The following SBF2 variants were observed in gnomAD, a reference collection of about 807,000 sequenced individuals.
The protein encoded by SBF2 is SET binding factor 2.
SBF2 carries 112 observed loss-of-function variants against 225.2 expected under a neutral mutation model. The ratio of observed to expected loss-of-function variants is 0.50; its 90% CI spans 0.43 to 0.58. The LOEUF (loss-of-function observed/expected upper bound fraction) is 0.58, where lower values mean the gene tolerates loss of function less well. SBF2 is among the 20% of genes least tolerant of loss of function. SBF2 has a pLI of 0.00. For missense variants in SBF2, 1,996 were observed against 2,206.2 expected (o/e 0.90, Z 1.91); for synonymous variants, 763 against 773.3 (o/e 0.99, Z 0.22).
intron 16 of SBF2, among the ~76,000 whole-genome samples, chr11:9,920,607 A>T (rs899254384): frequency 2.6e-5 from 4 of 152,210 alleles, no homozygotes; most frequent in African/African-American, 9.7e-5. Context: ...ACATGTGAGA[A>T]GAGACATTAA....
intron 16 of SBF2, among the ~76,000 whole-genome samples, chr11:9,918,316 G>C (rs1268231419): frequency 6.6e-6 from 1 of 151,736 alleles, no homozygotes; most frequent in Non-Finnish European, 1.5e-5. Flanking sequence ...CCTATTTTTA[G>C]CTTTCCCATG....
chr11:9,809,900 T>C (rs1225349418), intron 30 of SBF2, among the ~76,000 whole-genome samples: 4 of 152,158 alleles, frequency 2.6e-5, no homozygotes, highest in Non-Finnish European at 2.9e-5. Context: ...AGTTACACAA[T>C]GTTGTGGACA....
chr11:10,123,666 ACTATAAAGTCTTC>A (rs1953593647), intron 2 of SBF2, among the ~76,000 whole-genome samples: 1 of 151,920 alleles, frequency 6.6e-6, no homozygotes, highest in Admixed American at 6.6e-5. Context: ...CCTAGTCTTG[ACTATAAAGTCTTC>A]CTTACAAAAA....
At chr11:10,011,752 A>G (rs1948469900) in intron 6 of SBF2, among the ~76,000 whole-genome samples, 1 of 152,194 alleles carries the variant, frequency 6.6e-6, no homozygotes, top group African/African-American at 2.4e-5. Flanking sequence ...TGATTCATAT[A>G]GATGAATTAT....
intron 31 of SBF2, 170 bp from the exon 32 acceptor site, chr11:9,808,355 C>T (rs989423392): frequency 1.2e-5 from 8 of 651,206 alleles, no homozygotes; most frequent in Non-Finnish European, 1.9e-5. Flanking sequence ...GTAAACTTGC[C>T]AGTAAAAACT....
intron 2 of SBF2, among the ~76,000 whole-genome samples, chr11:10,167,735 C>T (rs184155872): frequency 4.8e-4 from 73 of 152,128 alleles, no homozygotes; most frequent in African/African-American, 1.6e-3. Context: ...TAATAGGCCA[C>T]GGCCAAGCAC....
intron 2 of SBF2, among the ~76,000 whole-genome samples, chr11:10,068,215 T>G (rs1462391804): frequency 2.0e-5 from 3 of 152,210 alleles, no homozygotes; most frequent in Non-Finnish European, 4.4e-5. Flanking sequence ...ATTTATACAG[T>G]ATTAAGTGCT....
At chr11:10,116,100 C>T (rs375694785) in intron 2 of SBF2, among the ~76,000 whole-genome samples, 14 of 151,920 alleles carry the variant, frequency 9.2e-5, no homozygotes, top group African/African-American at 3.4e-4. Flanking sequence ...ACCTGGGAGG[C>T]GGAGCTTGCC....
chr11:10,108,880 A>G (rs1264895823), intron 2 of SBF2, among the ~76,000 whole-genome samples: 2 of 152,190 alleles, frequency 1.3e-5, no homozygotes, highest in African/African-American at 4.8e-5. Flanking sequence ...AGATTTCTAT[A>G]GTAACATTAG....
rs138984847 is a variant in SBF2, at chr11:10,023,532, G to T, written c.619+4920C>A. Among the ~76,000 whole-genome samples the T allele has an allele frequency of 1.4e-3, 216 of 152,136 alleles. 1 individual carries two copies. Among genetic ancestry groups the T allele is most frequent in the African/African-American group, 5.0e-3 (208 of 41,496 alleles). The stretch of plus-strand genomic sequence containing the variant: ...ACACCCACTGGCAGTTATTTCTCAC[G>T]GCCCTATCCCTCGAGCCCCTTATAA... On this transcript the variant is annotated intron_variant, in intron 6 of 39. Coordinates refer to ENST00000256190, the MANE Select transcript of SBF2 (RefSeq NM_030962.4).
intron 2 of SBF2, among the ~76,000 whole-genome samples, chr11:10,160,280 C>G (rs1363736742): frequency 6.6e-6 from 1 of 152,104 alleles, no homozygotes; most frequent in Non-Finnish European, 1.5e-5. Flanking sequence ...TGTCTAATGA[C>G]CAAATTCAAA....
chr11:10,121,196 T>G (rs1953429325), intron 2 of SBF2, among the ~76,000 whole-genome samples: 1 of 152,176 alleles, frequency 6.6e-6, no homozygotes, highest in African/African-American at 2.4e-5. Flanking sequence ...TAACATCCAG[T>G]CAGAAATACG....
intron 1 of SBF2, among the ~76,000 whole-genome samples, chr11:10,243,626 C>T (rs1300906316): frequency 2.6e-5 from 4 of 151,824 alleles, no homozygotes; most frequent in Non-Finnish European, 4.4e-5. Context: ...AGAGACATTA[C>T]AATTGATGCC....
At chr11:10,289,346 G>C (rs1012273154) in intron 1 of SBF2, among the ~76,000 whole-genome samples, 1 of 152,150 alleles carries the variant, frequency 6.6e-6, no homozygotes, top group African/African-American at 2.4e-5. Context: ...GGAGAACTGG[G>C]TCCACAGCTC....
chr11:9,825,161 G>A (rs1036689493), intron 28 of SBF2, among the ~76,000 whole-genome samples: 1 of 152,108 alleles, frequency 6.6e-6, no homozygotes, highest in Non-Finnish European at 1.5e-5. Flanking sequence ...TACTGGAGTA[G>A]AATGGGCCCC....
chr11:10,173,799 C>T (rs915773920), intron 2 of SBF2, among the ~76,000 whole-genome samples: 24 of 149,692 alleles, frequency 1.6e-4, no homozygotes, highest in South Asian at 6.3e-4. Context: ...TCTCCCAGCA[C>T]GCAGCTGGAG....
chr11:10,179,391 A>AAC (rs955902514), intron 2 of SBF2, among the ~76,000 whole-genome samples: 2 of 148,538 alleles, frequency 1.3e-5, no homozygotes, highest in South Asian at 2.1e-4. Context: ...AAAAAACAAA[A>AAC]AAAAACAAAA....
chr11:9,902,625 T>C (rs1861808211), intron 16 of SBF2, among the ~76,000 whole-genome samples: 1 of 152,200 alleles, frequency 6.6e-6, no homozygotes, highest in South Asian at 2.1e-4. Context: ...TCCTGGGATC[T>C]CTAAAGCCAT....
At chr11:9,930,775 T>G (rs1298508906) in intron 16 of SBF2, among the ~76,000 whole-genome samples, 1 of 152,054 alleles carries the variant, frequency 6.6e-6, no homozygotes, top group African/African-American at 2.4e-5. Context: ...CCACGGAGGG[T>G]GAGCCGAAGC....
Sources: allele counts gnomAD v4.1 joint callset (sites outside exome capture counted in the v4.1 genomes callset), GRCh38; gene constraint gnomAD v4.1.1; transcripts MANE v1.5; gene names NCBI Gene and HGNC (gene_info 2026-07-23, HGNC 2026-07-21).